Variants in KIAA1671 observed in about 807,000 individuals in gnomAD.
The protein encoded by KIAA1671 is uncharacterized protein KIAA1671.
A neutral mutation model predicts 131.2 loss-of-function variants in KIAA1671; 52 were observed. The observed-to-expected ratio is 0.40, with a 90% confidence interval of 0.32 to 0.50. The LOEUF (loss-of-function observed/expected upper bound fraction) is 0.50, where lower values mean the gene tolerates loss of function less well. KIAA1671 is among the 20% of genes least tolerant of loss of function. The pLI is 0.73. For missense variants in KIAA1671, 2,360 were observed against 2,364.2 expected (o/e 1.00, Z 0.04); for synonymous variants, 1,003 against 961.6 (o/e 1.04, Z -0.80).
intron 6 of KIAA1671, chr22:25,063,123 GT>G (rs1460424427): frequency 6.6e-6 from 1 of 152,080 alleles, no homozygotes; most frequent in Non-Finnish European, 1.5e-5. Context: ...TTCAAAGCAA[GT>G]TCCGGAGTGC....
At chr22:24,956,284 C>A (rs1921696172) in intron 1 of KIAA1671, among the ~76,000 whole-genome samples, 1 of 152,204 alleles carries the variant, frequency 6.6e-6, no homozygotes, top group African/African-American at 2.4e-5. Flanking sequence ...TGCTTTAGAA[C>A]CCTGTGCCTG....
intron 6 of KIAA1671, among the ~76,000 whole-genome samples, chr22:25,068,531 G>T (rs1297661971): frequency 6.6e-6 from 1 of 152,140 alleles, no homozygotes; most frequent in African/African-American, 2.4e-5. Context: ...CCGCCTACCG[G>T]GTTCACGCCA....
In KIAA1671 at chr22:25,039,861, G is replaced by A; in HGVS notation, c.2731G>A (p.Gly911Arg). 1.3e-6 allele frequency: 2 copies of A among 1,551,258 alleles called. No individual in the cohort carries two copies. The highest frequency in any genetic ancestry group is 1.7e-6 in the Non-Finnish European group (2 of 1,146,830). Residue 911 changes from glycine to arginine, a missense_variant, in exon 5 of 13, where the codon GGG (glycine) becomes AGG (arginine). Physicochemically the swap from Gly to Arg is moderately radical, Grantham distance 125. Around this residue, in one of 3 missense-constraint regions of KIAA1671, gnomAD observed 1,161 missense variants for 1,204.7 expected, o/e 0.96. Transcript: ENST00000358431. ...THPDAFAVQK[G>R]PFIVAAREGD... Reference sequence around the variant, plus strand: ...TCCAGATGCATTTGCTGTGCAGAAAGGGCCCTTCATTGTAGCCGCCAGGGA... The same window carrying A: ...TCCAGATGCATTTGCTGTGCAGAAAAGGCCCTTCATTGTAGCCGCCAGGGA...
chr22:25,093,834 G>GTCTCTCTCTCTCTCTC, intron 6 of KIAA1671, among the ~76,000 whole-genome samples: 1 of 16,958 alleles, frequency 5.9e-5, no homozygotes, highest in South Asian at 2.0e-3. Context: ...TTCTCTCTCT[G>GTCTCTCTCTCTCTCTC]TCTGTCTCTC....
At chr22:25,036,640 C>T (rs1012106228) in intron 4 of KIAA1671, among the ~76,000 whole-genome samples, 28 of 152,138 alleles carry the variant, frequency 1.8e-4, no homozygotes, top group African/African-American at 5.1e-4. Flanking sequence ...GAACTTTGGC[C>T]GGGCGTGGTG....
At chr22:25,097,980 A>G (rs1306843357) in intron 6 of KIAA1671, among the ~76,000 whole-genome samples, 1 of 152,210 alleles carries the variant, frequency 6.6e-6, no homozygotes, top group Non-Finnish European at 1.5e-5. Flanking sequence ...AGGAGCCCGG[A>G]CAACATCCCA....
In KIAA1671 at chr22:25,179,421, C is replaced by T. The variant is rs1934181700; in HGVS notation, c.5074+1899C>T. ...CAGGTGCGCCTCGCGGATCTCCTTG[C>T]TGAGCTCCATTTGTAGTTGAGCTTC... On this transcript the variant is annotated intron_variant, in intron 9 of 12. Transcript: ENST00000358431. 1.2e-4 allele frequency: 199 copies of T among 1,612,956 alleles called. 4 individuals are homozygous for T. In the South Asian group the frequency reaches 2.1e-3, roughly 17 times the overall value.
intron 6 of KIAA1671, among the ~76,000 whole-genome samples, chr22:25,165,393 G>A (rs1035614876): frequency 6.6e-6 from 1 of 152,186 alleles, no homozygotes; most frequent in South Asian, 2.1e-4. Context: ...TCTGGCTCTG[G>A]AAGCAGTGTT....
At chr22:25,158,558 T>C (rs1284459559) in intron 6 of KIAA1671, among the ~76,000 whole-genome samples, 2 of 152,042 alleles carry the variant, frequency 1.3e-5, no homozygotes, top group African/African-American at 4.8e-5. Context: ...GGCCGCATTT[T>C]AGGGACACAT....
intron 6 of KIAA1671, among the ~76,000 whole-genome samples, chr22:25,088,790 T>C (rs1207709068): frequency 6.6e-6 from 1 of 152,206 alleles, no homozygotes; most frequent in Non-Finnish European, 1.5e-5. Context: ...GACAGGTTCA[T>C]GTGTCTCCTT....
intron 1 of KIAA1671, among the ~76,000 whole-genome samples, chr22:24,999,532 G>A (rs973244792): frequency 1.7e-4 from 25 of 150,544 alleles, no homozygotes; most frequent in African/African-American, 5.9e-4. Context: ...CTGGCCTGGA[G>A]TAGTATGGTA....
chr22:24,980,270 A>ATTT (rs59392276), intron 1 of KIAA1671, among the ~76,000 whole-genome samples: 2,794 of 119,178 alleles, frequency 0.023, 134 homozygotes, highest in African/African-American at 0.084. Flanking sequence ...AGTTTCTTTG[A>ATTT]TTTTTTTTTT....
At chr22:25,133,081 A>G (rs1179834197) in intron 6 of KIAA1671, among the ~76,000 whole-genome samples, 1 of 151,500 alleles carries the variant, frequency 6.6e-6, no homozygotes, top group African/African-American at 2.4e-5. Context: ...AAAAAATACC[A>G]GAGACAATAT....
At chr22:25,093,730 C>CTTTCTCTCTCTCTCTCTG (rs1568950944) in intron 6 of KIAA1671, among the ~76,000 whole-genome samples, 1 of 123,648 alleles carries the variant, frequency 8.1e-6, no homozygotes, top group Non-Finnish European at 1.6e-5. Flanking sequence ...CACACACACA[C>CTTTCTCTCTCTCTCTCTG]ACACACACTC....
intron 1 of KIAA1671, among the ~76,000 whole-genome samples, chr22:25,019,103 G>A (rs1269009847): frequency 7.1e-6 from 1 of 141,710 alleles, no homozygotes; most frequent in Non-Finnish European, 1.5e-5. Flanking sequence ...TTTTAATTAA[G>A]TAATAGCCAC....
rs545181609 is a variant in KIAA1671, at chr22:24,998,282, C to T, written c.-207-27351C>T. Reference sequence around the variant, plus strand: ...ACAAAAAATTAGACGGGCATGGCAGCGGAGGCCTGTAGATCCGGCTACTTG... The same window carrying T: ...ACAAAAAATTAGACGGGCATGGCAGTGGAGGCCTGTAGATCCGGCTACTTG... On this transcript the variant is annotated intron_variant, in intron 1 of 12. Transcript: ENST00000358431. Among the ~76,000 whole-genome samples, 7 of 151,978 alleles carry T rather than the reference C, an allele frequency of 4.6e-5. No individual in the cohort carries two copies. In the South Asian group the frequency reaches 6.2e-4, roughly 14 times the overall value.
At chr22:25,013,583 T>C (rs1925154735) in intron 1 of KIAA1671, 1 of 152,214 alleles carries the variant, frequency 6.6e-6, no homozygotes, top group South Asian at 2.1e-4. Context: ...CACATCTCAG[T>C]CTCCCTAAGG....
At chr22:25,103,210 G>A (rs1170050781) in intron 6 of KIAA1671, among the ~76,000 whole-genome samples, 3 of 102,946 alleles carry the variant, frequency 2.9e-5, no homozygotes, top group African/African-American at 9.7e-5. Flanking sequence ...CCCCCCAACC[G>A]CCTTTTTTTT....
In KIAA1671 at chr22:25,162,093, T is replaced by G. The variant is rs1477545374; in HGVS notation, c.4531-8727T>G. On this transcript the variant is annotated intron_variant, in intron 6 of 12. Coordinates refer to ENST00000358431, the MANE Select transcript of KIAA1671 (RefSeq NM_001145206.2). ...CTCCCTGGGCCTCAGTCTCCTCCTC[T>G]GTGAAATGGGTTCCTCATGGTTCCT... Among the ~76,000 whole-genome samples, 4 of 152,302 alleles carry G rather than the reference T, an allele frequency of 2.6e-5. No individual in the cohort carries two copies. The East Asian group carries it at 7.7e-4, about 29-fold the overall frequency.
Sources: allele counts gnomAD v4.1 joint callset (sites outside exome capture counted in the v4.1 genomes callset), GRCh38; gene constraint gnomAD v4.1.1; regional missense constraint gnomAD v4.1.1; transcripts MANE v1.5; gene names NCBI Gene and HGNC (gene_info 2026-07-23, HGNC 2026-07-21).